PTPN4: variants seen among roughly 807,000 people sequenced by gnomAD.
PTPN4 encodes tyrosine-protein phosphatase non-receptor type 4.
PTPN4 carries 49 observed loss-of-function variants against 135.5 expected under a neutral mutation model. The observed-to-expected ratio is 0.36, with a 90% CI of 0.29 to 0.46. PTPN4 has a LOEUF of 0.46. Among genes scored for constraint, PTPN4 ranks in the 20% least tolerant of loss-of-function variants. PTPN4 has a pLI of 1.00. For synonymous variants in PTPN4, 333 were observed against 369.9 expected (o/e 0.90, Z 1.14); for missense variants, 860 against 1,101.0 (o/e 0.78, Z 3.10).
intron 13 of PTPN4, among the ~76,000 whole-genome samples, chr2:119,931,415 A>ATCTTTCTT (rs777440288): frequency 7.3e-6 from 1 of 136,384 alleles, no homozygotes; most frequent in East Asian, 2.1e-4. Flanking sequence ...CAATATGAAG[A>ATCTTTCTT]TCTTTCTTTC....
At chr2:119,798,961 AT>A (rs1282430027) in intron 1 of PTPN4, among the ~76,000 whole-genome samples, 24 of 152,286 alleles carry the variant, frequency 1.6e-4, no homozygotes, top group African/African-American at 5.8e-4. Context: ...ATATATCGTT[AT>A]GATTGCTTTA....
At chr2:119,889,562 G>A (rs1195698552) in intron 9 of PTPN4, among the ~76,000 whole-genome samples, 1 of 151,910 alleles carries the variant, frequency 6.6e-6, no homozygotes, top group East Asian at 1.9e-4. Flanking sequence ...TTATCTTTTT[G>A]AAGAACCAAC....
At position 119,877,375 on chromosome 2, in the gene PTPN4, C is replaced by T. The variant is rs1389586390; in HGVS notation, c.289+10C>T. On this transcript the variant is annotated intron_variant, in intron 4 of 26. Coordinates refer to ENST00000263708, the MANE Select transcript of PTPN4 (RefSeq NM_002830.4). The stretch of plus-strand genomic sequence containing the variant: ...AGGAAGCAGCTAAAGAGTGAGCATA[C>T]ATATTTACTTAATGTTTTGCAAGTT... The T allele has an allele frequency of 6.2e-7, 1 of 1,611,632 alleles. No homozygotes were observed. Among genetic ancestry groups the T allele is most frequent in the Non-Finnish European group, 8.5e-7 (1 of 1,179,182 alleles).
intron 15 of PTPN4, among the ~76,000 whole-genome samples, chr2:119,943,686 C>T (rs1340081809): frequency 1.4e-5 from 2 of 143,422 alleles, no homozygotes; most frequent in African/African-American, 5.2e-5. Context: ...CCCAGGTTCA[C>T]GCCATTCTCC....
At chr2:119,767,195 T>G (rs1414583676) in intron 1 of PTPN4, among the ~76,000 whole-genome samples, 1 of 152,220 alleles carries the variant, frequency 6.6e-6, no homozygotes, top group Non-Finnish European at 1.5e-5. Flanking sequence ...CTTGGAATTG[T>G]GTTTAGCCCT....
At chr2:119,822,968 A>G (rs1677091573) in intron 2 of PTPN4, among the ~76,000 whole-genome samples, 1 of 152,002 alleles carries the variant, frequency 6.6e-6, no homozygotes, top group African/African-American at 2.4e-5. Context: ...CTCTCCCCCC[A>G]TTTCTATTTT....
chr2:119,806,032 A>G (rs973575197), intron 1 of PTPN4, among the ~76,000 whole-genome samples: 5 of 152,062 alleles, frequency 3.3e-5, no homozygotes, highest in African/African-American at 1.2e-4. Context: ...AAATGCTGAG[A>G]GATTTTGTCA....
At chr2:119,959,617 G>T (rs141628304) in intron 22 of PTPN4, among the ~76,000 whole-genome samples, 2 of 152,334 alleles carry the variant, frequency 1.3e-5, no homozygotes, top group Admixed American at 1.3e-4. Context: ...AGAAAAATAT[G>T]CTTTGGGATT....
At chr2:119,938,579 A>G (rs1453368016) in intron 15 of PTPN4, among the ~76,000 whole-genome samples, 1 of 152,164 alleles carries the variant, frequency 6.6e-6, no homozygotes, top group African/African-American at 2.4e-5. Context: ...TTAAATATGG[A>G]TGTATATAAG....
intron 10 of PTPN4, among the ~76,000 whole-genome samples, chr2:119,910,775 T>C (rs566891700): frequency 2.0e-5 from 3 of 152,264 alleles, no homozygotes; most frequent in Admixed American, 2.0e-4. Flanking sequence ...GCCCTTTGCC[T>C]TCTGCTGTGA....
chr2:119,855,165 C>T (rs560306690), intron 2 of PTPN4, among the ~76,000 whole-genome samples: 12 of 152,086 alleles, frequency 7.9e-5, no homozygotes, highest in African/African-American at 1.4e-4. Context: ...GATGTTTTCA[C>T]GTGCATGTCC....
intron 2 of PTPN4, among the ~76,000 whole-genome samples, chr2:119,837,273 C>T (rs1677308707): frequency 6.6e-6 from 1 of 152,152 alleles, no homozygotes; most frequent in Non-Finnish European, 1.5e-5. Context: ...GTTAGGTCTC[C>T]TCGACTCTTC....
At chr2:119,819,461 A>G (rs1677034692) in intron 2 of PTPN4, among the ~76,000 whole-genome samples, 1 of 152,240 alleles carries the variant, frequency 6.6e-6, no homozygotes, top group Admixed American at 6.5e-5. Context: ...AACATTTAAC[A>G]TGTTACTTGC....
intron 9 of PTPN4, among the ~76,000 whole-genome samples, chr2:119,898,969 G>A (rs1678364906): frequency 6.6e-6 from 1 of 152,122 alleles, no homozygotes; most frequent in Admixed American, 6.5e-5. Flanking sequence ...ACAAATACTT[G>A]ATGATTTTTG....
At chr2:119,857,561 G>A (rs2104984539) in intron 2 of PTPN4, among the ~76,000 whole-genome samples, 2 of 149,282 alleles carry the variant, frequency 1.3e-5, no homozygotes, top group East Asian at 4.0e-4. Context: ...AATGTTTCAG[G>A]AGCTGCCTTT....
At chr2:119,906,275 A>T (rs1678486530) in intron 10 of PTPN4, among the ~76,000 whole-genome samples, 1 of 152,192 alleles carries the variant, frequency 6.6e-6, no homozygotes, top group African/African-American at 2.4e-5. Flanking sequence ...AGACTGAGGC[A>T]GGAGGATCAC....
chr2:119,808,598 C>CT lies in PTPN4; in HGVS notation c.-17-1233dup, dbSNP rs539089305. Among the ~76,000 whole-genome samples the CT allele has an allele frequency of 7.9e-4, 120 of 152,132 alleles. 1 individual carries two copies. The highest frequency in any genetic ancestry group is 2.7e-3 in the African/African-American group (114 of 41,526). ...AGGCCCAGCTAATTTTTAAAACATTCTTTTTTGTAGAAACAGGGCCTCCCT... is the reference window on the plus strand; with the variant it reads ...AGGCCCAGCTAATTTTTAAAACATTCTTTTTTTGTAGAAACAGGGCCTCCCT... On this transcript the variant is annotated intron_variant, in intron 1 of 26. Transcript: ENST00000263708.
intron 1 of PTPN4, among the ~76,000 whole-genome samples, chr2:119,796,930 C>T (rs1691274545): frequency 1.3e-5 from 2 of 151,598 alleles, no homozygotes; most frequent in Admixed American, 1.3e-4. Context: ...AGTGATATCG[C>T]ATGGTTTTAA....
At chr2:119,914,445 C>T (rs1389475512) in intron 10 of PTPN4, among the ~76,000 whole-genome samples, 1 of 152,002 alleles carries the variant, frequency 6.6e-6, no homozygotes, top group East Asian at 1.9e-4. Flanking sequence ...GCATTTGCCT[C>T]TTCAAGTGAT....
Sources: allele counts gnomAD v4.1 joint callset (sites outside exome capture counted in the v4.1 genomes callset), GRCh38; gene constraint gnomAD v4.1.1; transcripts MANE v1.5; gene names NCBI Gene and HGNC (gene_info 2026-07-23, HGNC 2026-07-21).